The following THRAP3 variants were observed in gnomAD, a reference collection of about 807,000 sequenced individuals.
The protein encoded by THRAP3 is thyroid hormone receptor-associated protein 3.
In THRAP3, 16 loss-of-function variants were observed where a neutral mutation model predicts 101.0. That is an observed-to-expected ratio of 0.16 (90% confidence interval 0.11 to 0.24). THRAP3 has a LOEUF of 0.24. Among genes scored for constraint, THRAP3 ranks in the 10% least tolerant of loss-of-function variants. THRAP3 has a pLI of 1.00. For synonymous variants in THRAP3, 407 were observed against 422.6 expected (o/e 0.96, Z 0.45); for missense variants, 989 against 1,202.7 (o/e 0.82, Z 2.63).
chr1:36,233,611 TAAA>T (rs1389461418), intron 1 of THRAP3, among the ~76,000 whole-genome samples: 1 of 145,304 alleles, frequency 6.9e-6, no homozygotes, highest in Non-Finnish European at 1.5e-5. Context: ...TAAAATAAAA[TAAA>T]AAATTAGCCG....
chr1:36,271,031 C>T (rs1645584165), intron 2 of THRAP3, among the ~76,000 whole-genome samples: 1 of 152,070 alleles, frequency 6.6e-6, no homozygotes, highest in Non-Finnish European at 1.5e-5. Context: ...AGCAAGTGCT[C>T]CTGCCCTTTC....
intron 1 of THRAP3, among the ~76,000 whole-genome samples, chr1:36,224,810 C>T (rs1644941974): frequency 6.6e-6 from 1 of 152,174 alleles, no homozygotes; most frequent in Admixed American, 6.5e-5. Context: ...CTCCCTACTC[C>T]TCCCGTTTTG....
At chr1:36,271,367 C>T (rs1645588837) in intron 2 of THRAP3, among the ~76,000 whole-genome samples, 1 of 150,590 alleles carries the variant, frequency 6.6e-6, no homozygotes, top group Non-Finnish European at 1.5e-5. Flanking sequence ...ACTGCAACCT[C>T]CGCCTCCCGG....
At chr1:36,273,252 A>C (rs1243690776) in intron 2 of THRAP3, among the ~76,000 whole-genome samples, 1 of 152,190 alleles carries the variant, frequency 6.6e-6, no homozygotes, top group African/African-American at 2.4e-5. Flanking sequence ...AGCAGAGTAG[A>C]GACTTCGTCC....
At chr1:36,295,503 A>G (rs1034811588) in intron 8 of THRAP3, among the ~76,000 whole-genome samples, 1 of 151,432 alleles carries the variant, frequency 6.6e-6, no homozygotes, top group Non-Finnish European at 1.5e-5. Context: ...TGCAAAACAT[A>G]CCTTCATAGC....
At chr1:36,287,517 A>G (rs1645811619) in intron 4 of THRAP3, 2 of 985,468 alleles carry the variant, frequency 2.0e-6, no homozygotes, top group Non-Finnish European at 2.4e-6. Flanking sequence ...ATGTTTTCAC[A>G]TTTAAAATTT....
At chr1:36,247,216 C>G (rs534457120) in intron 1 of THRAP3, among the ~76,000 whole-genome samples, 2 of 152,078 alleles carry the variant, frequency 1.3e-5, no homozygotes, top group Non-Finnish European at 2.9e-5. Context: ...ACTCGAGAGA[C>G]TGAGGCAGGA....
chr1:36,263,667 T>C (rs762805604), intron 2 of THRAP3, among the ~76,000 whole-genome samples: 3 of 152,106 alleles, frequency 2.0e-5, no homozygotes, highest in Non-Finnish European at 4.4e-5. Context: ...CTGGGGTGAA[T>C]TGAATATTTT....
chr1:36,294,989 C>T (rs12143901), intron 8 of THRAP3, among the ~76,000 whole-genome samples: 43,150 of 151,960 alleles, frequency 0.28, 7,384 homozygotes, highest in Middle Eastern at 0.45. Context: ...TTTGGGAGGC[C>T]GAGGTGGGTG....
chr1:36,233,758 C>T (rs987288093), intron 1 of THRAP3, among the ~76,000 whole-genome samples: 2 of 151,622 alleles, frequency 1.3e-5, no homozygotes, highest in Non-Finnish European at 2.9e-5. Flanking sequence ...AAAGTGAGAC[C>T]CTGTCTCAAA....
the THRAP3 span, among the ~76,000 whole-genome samples, chr1:36,218,787 C>A: frequency 2.6e-5 from 4 of 151,948 alleles, no homozygotes; most frequent in Non-Finnish European, 5.9e-5. Flanking sequence ...GTAATCCCAG[C>A]ATTTCGGGAG....
chr1:36,288,720 C>T (rs1382257161), intron 4 of THRAP3: 2 of 985,250 alleles, frequency 2.0e-6, no homozygotes, highest in Non-Finnish European at 2.4e-6. Flanking sequence ...TGGGTAAGAC[C>T]TTAAGTTATT....
chr1:36,235,507 T>G (rs1051717451), intron 1 of THRAP3, among the ~76,000 whole-genome samples: 3 of 152,146 alleles, frequency 2.0e-5, no homozygotes, highest in African/African-American at 7.2e-5. Context: ...TTTTGAAAAT[T>G]AGATTATTAA....
chr1:36,295,803 C>T (rs1009374434), intron 8 of THRAP3, among the ~76,000 whole-genome samples: 1 of 151,866 alleles, frequency 6.6e-6, no homozygotes, highest in South Asian at 2.1e-4. Context: ...TCTTTGGACT[C>T]AGTACTCAGA....
chr1:36,274,283 T>C lies in THRAP3; in HGVS notation c.-31-8250T>C, dbSNP rs113265664. On this transcript the variant is annotated intron_variant, in intron 2 of 11. Coordinates refer to ENST00000354618, the MANE Select transcript of THRAP3 (RefSeq NM_005119.4). Reference sequence around the variant, plus strand: ...TTATATTCAGAAAACTGAAACATTGTGGAAAGACATTTCATGTTCATGGAT... The same window carrying C: ...TTATATTCAGAAAACTGAAACATTGCGGAAAGACATTTCATGTTCATGGAT... 3.2e-3 allele frequency among the ~76,000 whole-genome samples: 487 copies of C among 152,282 alleles called. 4 individuals carry two copies. The highest frequency in any genetic ancestry group is 0.011 in the African/African-American group (468 of 41,554).
Position 36,245,481 on chromosome 1 carries a change from C to A in THRAP3, c.-134-13901C>A, listed in dbSNP as rs1645220236. On this transcript the variant is annotated intron_variant, in intron 1 of 11. Coordinates refer to ENST00000354618, the MANE Select transcript of THRAP3 (RefSeq NM_005119.4). Reference sequence around the variant, plus strand: ...ACCACGCCTGGGTCCTTTCCCCAATCTTACAGGTAAACAAACTCCTTAAAG... The same window carrying A: ...ACCACGCCTGGGTCCTTTCCCCAATATTACAGGTAAACAAACTCCTTAAAG... 2.0e-5 allele frequency among the ~76,000 whole-genome samples: 3 copies of A among 152,106 alleles called. No homozygotes were observed. In the South Asian group the frequency reaches 6.2e-4, roughly 32 times the overall value.
chr1:36,242,904 T>G (rs1645179440), intron 1 of THRAP3, among the ~76,000 whole-genome samples: 2 of 152,276 alleles, frequency 1.3e-5, no homozygotes, highest in South Asian at 2.1e-4. Context: ...CTTTTCACAG[T>G]TAGTGTTTTT....
intron 2 of THRAP3, among the ~76,000 whole-genome samples, chr1:36,268,243 C>T (rs1645538358): frequency 6.6e-6 from 1 of 151,308 alleles, no homozygotes; most frequent in South Asian, 2.1e-4. Flanking sequence ...AAAAGGTCAG[C>T]ATCATTTTTT....
chr1:36,247,423 C>G (rs1466007995), intron 1 of THRAP3, among the ~76,000 whole-genome samples: 1 of 151,988 alleles, frequency 6.6e-6, no homozygotes, highest in African/African-American at 2.4e-5. Context: ...CTCGTAGGTT[C>G]AAGCTATTCT....
Sources: allele counts gnomAD v4.1 joint callset (sites outside exome capture counted in the v4.1 genomes callset), GRCh38; gene constraint gnomAD v4.1.1; transcripts MANE v1.5; gene names NCBI Gene and HGNC (gene_info 2026-07-23, HGNC 2026-07-21).